Variants in HAO1 observed in about 807,000 individuals in gnomAD.
HAO1 encodes hydroxyacid oxidase 1, also known as 2-Hydroxyacid oxidase 1.
In HAO1, 34 loss-of-function variants were observed where a neutral mutation model predicts 39.7. The observed-to-expected ratio is 0.86, with a 90% CI of 0.65 to 1.14. HAO1 has a LOEUF of 1.14. HAO1 is among the 50% of genes most tolerant of loss of function. The pLI is 0.00. For missense variants in HAO1, 479 were observed against 464.5 expected (o/e 1.03, Z -0.29); for synonymous variants, 172 against 173.2 (o/e 0.99, Z 0.05).
At chr20:7,915,291 G>C (rs2050301739) in intron 2 of HAO1, among the ~76,000 whole-genome samples, 2 of 152,012 alleles carry the variant, frequency 1.3e-5, no homozygotes, top group African/African-American at 4.8e-5. Context: ...CTCATAATGT[G>C]AGTGGGTCTT....
chr20:7,935,280 A>C (rs7260781), intron 1 of HAO1, among the ~76,000 whole-genome samples: 26,585 of 152,162 alleles, frequency 0.17, 2,914 homozygotes, highest in South Asian at 0.38. Context: ...TTGAATACTT[A>C]CAGTTTGGGG....
At position 7,883,653 on chromosome 20, in the gene HAO1, A is replaced by T. The variant is rs1440055713; in HGVS notation, c.1053T>A (p.Asn351Lys). The T allele has an allele frequency of 6.2e-7, 1 of 1,611,134 alleles. No individual in the cohort carries two copies. Among genetic ancestry groups the T allele is most frequent in the Non-Finnish European group, 8.5e-7 (1 of 1,177,324 alleles). The stretch of plus-strand genomic sequence containing the variant: ...CCAATGTCTTGTCGATGACTTTCAC[A>T]TTCTGGCACCCTGAAAAAATAATGC... ...RLAMALSGCQ[N>K]VKVIDKTLVR... Residue 351 changes from asparagine to lysine, a missense_variant, in exon 8 of 8, where the codon AAT becomes AAA. Asn to Lys is a moderately conservative substitution (Grantham distance 94). Coordinates refer to ENST00000378789, the MANE Select transcript of HAO1 (RefSeq NM_017545.3).
chr20:7,906,041 C>A (rs927806284), intron 4 of HAO1, 113 bp downstream of exon 4: 1 of 766,724 alleles, frequency 1.3e-6, no homozygotes, highest in Admixed American at 2.2e-5. Flanking sequence ...GTTGGAATGT[C>A]TCTCTCAATT....
intron 2 of HAO1, among the ~76,000 whole-genome samples, chr20:7,927,600 G>A (rs1012278472): frequency 6.6e-6 from 1 of 151,976 alleles, no homozygotes; most frequent in Non-Finnish European, 1.5e-5. Context: ...AGACTTCTTA[G>A]AATTTTATCT....
chr20:7,903,858 CGGTGGT>C (rs10585629), intron 4 of HAO1, among the ~76,000 whole-genome samples: 5,586 of 57,522 alleles, frequency 0.097, 433 homozygotes, highest in African/African-American at 0.24. Flanking sequence ...ATTGTGGTAG[CGGTGGT>C]GGTGGTGGTG....
chr20:7,908,883 C>T (rs6086278), intron 3 of HAO1, among the ~76,000 whole-genome samples: 17 of 152,022 alleles, frequency 1.1e-4, no homozygotes, highest in Admixed American at 3.9e-4. Context: ...CCATGGAGAC[C>T]TATTTCATTA....
intron 2 of HAO1, among the ~76,000 whole-genome samples, chr20:7,921,059 CA>C (rs34357188): frequency 0.087 from 12,511 of 143,462 alleles, 850 homozygotes; most frequent in East Asian, 0.31. Context: ...TGCTAATATC[CA>C]AAAAAAAAAA....
intron 2 of HAO1, among the ~76,000 whole-genome samples, chr20:7,920,641 C>G (rs566448024): frequency 6.6e-6 from 1 of 152,048 alleles, no homozygotes; most frequent in African/African-American, 2.4e-5. Context: ...GTGAGACCTA[C>G]CTTTTTAGAT....
intron 4 of HAO1, among the ~76,000 whole-genome samples, chr20:7,899,153 C>A (rs772947404): frequency 2.0e-5 from 3 of 151,778 alleles, no homozygotes; most frequent in Non-Finnish European, 4.4e-5. Context: ...AGTCATCAGT[C>A]CACCCGGACT....
intron 5 of HAO1, among the ~76,000 whole-genome samples, chr20:7,887,167 A>C (rs1322562516): frequency 6.6e-6 from 1 of 152,220 alleles, no homozygotes; most frequent in Non-Finnish European, 1.5e-5. Context: ...TTTGATGTGA[A>C]TCTGCATTTG....
At chr20:7,903,225 T>C (rs192113895) in intron 4 of HAO1, among the ~76,000 whole-genome samples, 38 of 152,166 alleles carry the variant, frequency 2.5e-4, no homozygotes, top group South Asian at 1.4e-3. Flanking sequence ...AAGTAGACGA[T>C]GTAAACTGTA....
Position 7,909,381 on chromosome 20 carries a change from A to G in HAO1, c.546-3052T>C, listed in dbSNP as rs373805714. The stretch of plus-strand genomic sequence containing the variant: ...ATGACATATATATATATATATATGT[A>G]TATATATATATATATATATATATGC... On this transcript the variant is annotated intron_variant, in intron 3 of 7. Transcript: ENST00000378789. Among the ~76,000 whole-genome samples the G allele has an allele frequency of 0.015, 1,070 of 72,916 alleles. 35 individuals carry two copies. The East Asian group carries it at 0.23, about 16-fold the overall frequency. 47.8% of individuals were successfully genotyped at this position (72,916 alleles called of 152,430 possible).
intron 3 of HAO1, among the ~76,000 whole-genome samples, chr20:7,912,361 A>C (rs550993038): frequency 6.6e-6 from 1 of 152,254 alleles, no homozygotes; most frequent in Admixed American, 6.5e-5. Context: ...GCCTCTGTGA[A>C]ACATATTTTG....
chr20:7,912,173 G>T (rs913893053), intron 3 of HAO1, among the ~76,000 whole-genome samples: 8 of 152,180 alleles, frequency 5.3e-5, no homozygotes, highest in African/African-American at 1.9e-4. Context: ...ACCGACAGCT[G>T]AAAAGAGTCT....
In HAO1 at chr20:7,883,665, T is replaced by C. The variant is rs1437925110; in HGVS notation, c.1043-2A>G. 1.2e-6 allele frequency: 2 copies of C among 1,604,094 alleles called. No individual in the cohort carries two copies. Among genetic ancestry groups the C allele is most frequent in the East Asian group, 2.2e-5 (1 of 44,774 alleles). On this transcript the variant is annotated splice_acceptor_variant, in intron 7 of 7. Coordinates refer to ENST00000378789, the MANE Select transcript of HAO1 (RefSeq NM_017545.3). LOFTEE classifies it high-confidence loss of function. ...CGATGACTTTCACATTCTGGCACCC[T>C]GAAAAAATAATGCATACATTTAATA...
chr20:7,900,614 A>G (rs981736517), intron 4 of HAO1, among the ~76,000 whole-genome samples: 1 of 152,124 alleles, frequency 6.6e-6, no homozygotes, highest in Non-Finnish European at 1.5e-5. Flanking sequence ...GAGGAACTTA[A>G]TAAGTGTGTG....
chr20:7,922,862 G>A lies in HAO1; in HGVS notation c.290-8443C>T, dbSNP rs575223526. On this transcript the variant is annotated intron_variant, in intron 2 of 7. Coordinates refer to ENST00000378789, the MANE Select transcript of HAO1 (RefSeq NM_017545.3). ...AATATAATGATATAAAAATAAATGAGATTAATATCCTTGTTTACTATCATC... is the reference window on the plus strand; with the variant it reads ...AATATAATGATATAAAAATAAATGAAATTAATATCCTTGTTTACTATCATC... Among the ~76,000 whole-genome samples the A allele has an allele frequency of 2.6e-5, 4 of 152,140 alleles. No individual in the cohort carries two copies. In the East Asian group the frequency reaches 7.7e-4, roughly 29 times the overall value.
chr20:7,914,066 A>G, intron 3 of HAO1, 98 bp downstream of exon 3: 1 of 1,274,564 alleles, frequency 7.8e-7, no homozygotes, highest in South Asian at 1.3e-5. Flanking sequence ...AAGATTAACT[A>G]GATGTTTAGC....
Position 7,883,538 on chromosome 20 carries a change from G to T in HAO1, c.*55C>A. The T allele has an allele frequency of 7.7e-7, 1 of 1,299,922 alleles. No individual in the cohort carries two copies. The highest frequency in any genetic ancestry group is 1.1e-6 in the Non-Finnish European group (1 of 893,326). 80.5% of individuals were successfully genotyped at this position (1,299,922 alleles called of 1,614,324 possible). ...GTCACCCTCTGCACAGTGTCTCTTT[G>T]TCAAGTAATACATGCTGAAAAAAAA... On this transcript the variant is annotated 3_prime_UTR_variant, in exon 8 of 8. Coordinates refer to ENST00000378789, the MANE Select transcript of HAO1 (RefSeq NM_017545.3).
Sources: allele counts gnomAD v4.1 joint callset (sites outside exome capture counted in the v4.1 genomes callset), GRCh38; gene constraint gnomAD v4.1.1; transcripts MANE v1.5; gene names NCBI Gene and HGNC (gene_info 2026-07-23, HGNC 2026-07-21).